SEC31A: variants seen among roughly 807,000 people sequenced by gnomAD.
The protein encoded by SEC31A is SEC31 homolog A, COPII component.
SEC31A carries 70 observed loss-of-function variants against 151.0 expected under a neutral mutation model. The observed-to-expected ratio is 0.46, with a 90% confidence interval of 0.38 to 0.57. The LOEUF (loss-of-function observed/expected upper bound fraction) is 0.57. SEC31A is among the 20% of genes least tolerant of loss of function. The probability of loss-of-function intolerance (pLI) is 0.00; values close to 1 mark genes in which losing one functional copy is unlikely to be tolerated. For synonymous variants in SEC31A, 475 were observed against 505.9 expected (o/e 0.94, Z 0.82); for missense variants, 1,330 against 1,471.2 (o/e 0.90, Z 1.57).
At chr4:82,833,133 T>TA in intron 22 of SEC31A, among the ~76,000 whole-genome samples, 1 of 152,260 alleles carries the variant, frequency 6.6e-6, no homozygotes, top group South Asian at 2.1e-4. Flanking sequence ...CTATTCACAA[T>TA]AGCAAAGACT....
At chr4:82,890,107 A>G (rs1741957805) in intron 1 of SEC31A, among the ~76,000 whole-genome samples, 1 of 149,518 alleles carries the variant, frequency 6.7e-6, no homozygotes, top group Admixed American at 6.8e-5. Flanking sequence ...GGGCGCCTGT[A>G]ATCCCAGCTA....
chr4:82,872,768 C>T (rs10022260), intron 6 of SEC31A, among the ~76,000 whole-genome samples: 112,678 of 151,902 alleles, frequency 0.74, 42,166 homozygotes, highest in Admixed American at 0.79. Context: ...CAGTGTGGCA[C>T]GATCTCAGCT....
chr4:82,849,072 C>A, intron 19 of SEC31A, 95 bp from the exon 20 acceptor site: 2 of 1,149,422 alleles, frequency 1.7e-6, no homozygotes, highest in African/African-American at 1.5e-5. Flanking sequence ...ATCAAGATAT[C>A]CCTTTTTGTT....
upstream of SEC31A, among the ~76,000 whole-genome samples, chr4:82,891,957 C>G (rs1719819191): frequency 6.6e-6 from 1 of 152,222 alleles, no homozygotes; most frequent in Non-Finnish European, 1.5e-5. Context: ...AACTTCTAGA[C>G]AAGTTCTTTT....
upstream of SEC31A, chr4:82,891,332 G>A (rs924438601): frequency 3.0e-5 from 22 of 730,272 alleles, no homozygotes; most frequent in South Asian, 3.5e-4. Context: ...GCGGGGTACG[G>A]CTCCGCTGGT....
intron 7 of SEC31A, chr4:82,871,339 A>C (rs1188117597): frequency 2.7e-6 from 4 of 1,502,866 alleles, no homozygotes; most frequent in South Asian, 2.4e-5. Context: ...CACACACACA[A>C]GTAACGTAGG....
At chr4:82,858,568 A>AG (rs1159580399) in intron 14 of SEC31A, among the ~76,000 whole-genome samples, 6 of 148,600 alleles carry the variant, frequency 4.0e-5, no homozygotes, top group African/African-American at 1.5e-4. Context: ...AAAAAAAAAA[A>AG]AAGAACACTA....
At chr4:82,872,948 G>A (rs1737075437) in intron 6 of SEC31A, among the ~76,000 whole-genome samples, 3 of 151,656 alleles carry the variant, frequency 2.0e-5, no homozygotes, top group Non-Finnish European at 4.4e-5. Flanking sequence ...CAGGCAATTC[G>A]CCCACCTCGG....
chr4:82,887,016 A>G (rs183998983), intron 1 of SEC31A, among the ~76,000 whole-genome samples: 19 of 152,348 alleles, frequency 1.2e-4, no homozygotes, highest in African/African-American at 4.3e-4. Flanking sequence ...GAAAACAAGT[A>G]GACTAATGAG....
chr4:82,900,014 A>C (rs1354231757), intron 2 of SEC31A: 2 of 152,232 alleles, frequency 1.3e-5, no homozygotes, highest in Non-Finnish European at 2.9e-5. Context: ...TTCCCAACCA[A>C]AACCACTTAA....
chr4:82,864,453 G>A lies in SEC31A; in HGVS notation c.1343C>T (p.Ala448Val). 3 of 1,614,124 alleles carry A rather than the reference G, an allele frequency of 1.9e-6. No individual in the cohort carries two copies. The highest frequency in any genetic ancestry group is 2.5e-6 in the Non-Finnish European group (3 of 1,180,014). The change falls in exon 11 of 27, where the codon GCT (alanine) becomes GTT (valine). Residue 448 changes from alanine to valine, a missense_variant. Physicochemically the swap from Ala to Val is moderately conservative, Grantham distance 64. Coordinates refer to ENST00000395310, the MANE Select transcript of SEC31A (RefSeq NM_001077207.4). ...FLSRSDQLQQ[A>V]VQSQGFINYC... is the part of the protein sequence containing the mutation. ...ATTGATAAATCCTTGTGACTGCACA[G>A]CCTGCTGAAGTTGGTCTGATCGGCT...
At chr4:82,865,939 T>C (rs1735267262) in intron 10 of SEC31A, among the ~76,000 whole-genome samples, 1 of 151,964 alleles carries the variant, frequency 6.6e-6, no homozygotes, top group Admixed American at 6.6e-5. Context: ...ATGGTTAAGA[T>C]AGTAAATTTT....
intron 12 of SEC31A, 28 bp from the exon 13 acceptor site, chr4:82,862,600 T>C (rs1466222134): frequency 2.5e-6 from 4 of 1,601,692 alleles, no homozygotes; most frequent in Non-Finnish European, 3.4e-6. Context: ...GCTCACCTAC[T>C]ACATGGAATT....
chr4:82,866,777 C>T, intron 10 of SEC31A, 31 bp downstream of exon 10: 1 of 1,586,738 alleles, frequency 6.3e-7, no homozygotes, highest in Non-Finnish European at 8.5e-7. Flanking sequence ...GTCCTTTGTG[C>T]CTATGGACCA....
At chr4:82,850,058 A>T (rs969651145) in intron 19 of SEC31A, among the ~76,000 whole-genome samples, 2 of 152,102 alleles carry the variant, frequency 1.3e-5, no homozygotes, top group African/African-American at 4.8e-5. Flanking sequence ...TACTGAGATA[A>T]ATAGGAAACA....
chr4:82,846,366 C>CATCATCATA (rs1553928443), intron 20 of SEC31A, among the ~76,000 whole-genome samples: 30 of 140,538 alleles, frequency 2.1e-4, no homozygotes, highest in African/African-American at 7.8e-4. Context: ...AACTCCAAAA[C>CATCATCATA]ATAATAATAA....
rs371265161 is a variant in SEC31A at position 82,853,449 on chromosome 4, T to C, written c.2154+121A>G. The C allele has an allele frequency of 8.8e-5, 74 of 836,442 alleles. No individual in the cohort carries two copies. The East Asian group carries it at 1.6e-3, about 19-fold the overall frequency. The allele number at this position is 836,442 out of a possible 1,614,324, so 51.8% of individuals were successfully genotyped here. A position where few individuals can be genotyped will look rare whatever the true frequency, so the allele number is the denominator to read the frequency against. On this transcript the variant is annotated intron_variant, in intron 18 of 26. Coordinates refer to ENST00000395310, the MANE Select transcript of SEC31A (RefSeq NM_001077207.4). ...CAAAGATAGCAATAAATGCATATAA[T>C]TATCCAGCAAAAGAAGTTCTTGAAT...
At chr4:82,866,708 A>C in intron 10 of SEC31A, 100 bp downstream of exon 10, 1 of 1,059,688 alleles carries the variant, frequency 9.4e-7, no homozygotes. Flanking sequence ...CTCAAATCCC[A>C]ACTTAAACCC....
At chr4:82,881,464 CA>C (rs1205052802) in intron 2 of SEC31A, among the ~76,000 whole-genome samples, 3,704 of 135,690 alleles carry the variant, frequency 0.027, 147 homozygotes, top group African/African-American at 0.09. Flanking sequence ...GACTCCATCT[CA>C]AAAAAAAAAA....
Sources: gnomAD v4.1 joint callset for allele counts (sites outside exome capture counted in the v4.1 genomes callset) on GRCh38, gnomAD v4.1.1 for gene constraint, MANE v1.5 for transcripts, NCBI Gene and HGNC (gene_info 2026-07-23, HGNC 2026-07-21) for gene names.